Variants in COL22A1 observed in about 807,000 individuals in gnomAD.
COL22A1 encodes collagen type XXII alpha 1 chain.
Under a neutral mutation model 248.9 loss-of-function variants are expected in COL22A1, and 221 were observed. The observed-to-expected ratio is 0.89, with a 90% confidence interval of 0.80 to 0.99. COL22A1 has a LOEUF of 0.99. Ranked by LOEUF, COL22A1 falls within the 50% of genes least tolerant of loss-of-function variation. The pLI is 0.00. For missense variants in COL22A1, 2,240 were observed against 2,179.0 expected, an observed-to-expected ratio of 1.03 and a Z score of -0.56; for synonymous variants, 891 against 793.4, an observed-to-expected ratio of 1.12 and a Z score of -2.07.
chr8:138,611,442 G>A (rs894858354), intron 56 of COL22A1, among the ~76,000 whole-genome samples: 3 of 152,216 alleles, frequency 2.0e-5, no homozygotes, highest in South Asian at 2.1e-4. Flanking sequence ...CCCAGTGAGG[G>A]AGCTGGGGGG....
Position 138,755,458 on chromosome 8 carries a change from G to A in COL22A1, c.1977+24C>T, listed in dbSNP as rs772414340. 6.2e-6 allele frequency: 10 copies of A among 1,610,306 alleles called. No homozygotes were observed. In the South Asian group the frequency reaches 1.1e-4, roughly 18 times the overall value. On this transcript the variant is annotated intron_variant, in intron 20 of 64. Transcript: ENST00000303045. ...TCTGCTGTGACCTAAATCCCCATGA[G>A]AAGAAGACGCGTGTGCCTCTTACCT...
At chr8:138,792,060 A>G (rs1197384397) in intron 12 of COL22A1, among the ~76,000 whole-genome samples, 2 of 152,160 alleles carry the variant, frequency 1.3e-5, no homozygotes, top group Non-Finnish European at 2.9e-5. Flanking sequence ...CCAAATGTTC[A>G]GTCCCTAGTT....
At chr8:138,681,181 G>A (rs11777130) in intron 39 of COL22A1, among the ~76,000 whole-genome samples, 28,656 of 152,114 alleles carry the variant, frequency 0.19, 2,929 homozygotes, top group South Asian at 0.25. Flanking sequence ...GACCCCACAG[G>A]GTGATCTAAT....
intron 11 of COL22A1, among the ~76,000 whole-genome samples, chr8:138,800,373 G>A (rs1371157111): frequency 2.0e-5 from 3 of 152,336 alleles, no homozygotes; most frequent in Middle Eastern, 3.4e-3. Flanking sequence ...AACTCCAGAC[G>A]CAGGAGGTGA....
At chr8:138,684,324 A>C in intron 39 of COL22A1, 101 bp downstream of exon 39, 1 of 807,502 alleles carries the variant, frequency 1.2e-6, no homozygotes, top group Non-Finnish European at 2.2e-6. Flanking sequence ...AGAAACATGG[A>C]AGTGGACTGA....
At chr8:138,765,182 C>A (rs1351996833) in intron 16 of COL22A1, among the ~76,000 whole-genome samples, 2 of 152,142 alleles carry the variant, frequency 1.3e-5, no homozygotes, top group Admixed American at 6.5e-5. Context: ...GGTGTGCTGG[C>A]ACTGGCGCCA....
intron 23 of COL22A1, among the ~76,000 whole-genome samples, chr8:138,728,730 C>T (rs1425910796): frequency 6.6e-6 from 1 of 152,120 alleles, no homozygotes; most frequent in African/African-American, 2.4e-5. Flanking sequence ...TCAGGACCCA[C>T]TTTAGGTCAC....
intron 22 of COL22A1, among the ~76,000 whole-genome samples, chr8:138,738,709 C>A (rs1466650217): frequency 4.6e-5 from 7 of 152,150 alleles, no homozygotes; most frequent in East Asian, 1.9e-4. Flanking sequence ...AGACTTGAAG[C>A]CTGTACCAAT....
intron 25 of COL22A1, among the ~76,000 whole-genome samples, chr8:138,723,446 C>T (rs1207361588): frequency 6.6e-6 from 1 of 152,202 alleles, no homozygotes; most frequent in Non-Finnish European, 1.5e-5. Context: ...TGCTTCAAAC[C>T]TTCTGTGGCT....
At chr8:138,845,934 C>T (rs1157341100) in intron 3 of COL22A1, among the ~76,000 whole-genome samples, 1 of 152,174 alleles carries the variant, frequency 6.6e-6, no homozygotes, top group African/African-American at 2.4e-5. Context: ...GGCAGCTCCA[C>T]CACCCCATTA....
chr8:138,770,125 G>A (rs112356860), intron 16 of COL22A1, among the ~76,000 whole-genome samples: 10 of 152,274 alleles, frequency 6.6e-5, no homozygotes, highest in Admixed American at 2.0e-4. Flanking sequence ...TAGTTCCTCC[G>A]ATTCCAAGGC....
At chr8:138,694,081 G>A (rs1292633960) in intron 34 of COL22A1, among the ~76,000 whole-genome samples, 1 of 152,172 alleles carries the variant, frequency 6.6e-6, no homozygotes, top group Non-Finnish European at 1.5e-5. Context: ...CAAAATGACA[G>A]AATCAAAGCA....
intron 1 of COL22A1, among the ~76,000 whole-genome samples, chr8:138,902,735 TATATACACACAC>T (rs1399810359): frequency 2.2e-5 from 2 of 90,298 alleles, no homozygotes; most frequent in Non-Finnish European, 4.6e-5. Flanking sequence ...AATATATATA[TATATACACACAC>T]ACACACACAC....
intron 3 of COL22A1, among the ~76,000 whole-genome samples, chr8:138,871,366 T>C (rs1823333249): frequency 6.6e-6 from 1 of 152,188 alleles, no homozygotes; most frequent in South Asian, 2.1e-4. Flanking sequence ...AGAACAGTCC[T>C]GCTCCCACTC....
chr8:138,690,911 T>C (rs2130893129), intron 35 of COL22A1, 37 bp from the exon 36 acceptor site: 1 of 1,572,192 alleles, frequency 6.4e-7, no homozygotes, highest in South Asian at 1.2e-5. Context: ...GCCAAACGCA[T>C]TGATTAGAAG....
At chr8:138,857,718 A>ACT (rs1822149857) in intron 3 of COL22A1, among the ~76,000 whole-genome samples, 2 of 152,150 alleles carry the variant, frequency 1.3e-5, no homozygotes, top group Admixed American at 6.5e-5. Flanking sequence ...GATAACACGG[A>ACT]CTCAGCTTCA....
chr8:138,703,225 G>A, intron 31 of COL22A1, 81 bp downstream of exon 31: 4 of 1,251,604 alleles, frequency 3.2e-6, no homozygotes, highest in Non-Finnish European at 4.7e-6. Context: ...TTAAAACTAA[G>A]TAGTGGCAGT....
intron 5 of COL22A1, 85 bp from the exon 6 acceptor site, chr8:138,826,866 TCAAGCCCTGC>T: frequency 6.7e-7 from 1 of 1,499,446 alleles, no homozygotes; most frequent in Non-Finnish European, 9.1e-7. Flanking sequence ...CCAGCAGTGA[TCAAGCCCTGC>T]CAATTTGACT....
At chr8:138,845,208 T>G (rs1821156560) in intron 3 of COL22A1, among the ~76,000 whole-genome samples, 1 of 152,102 alleles carries the variant, frequency 6.6e-6, no homozygotes, top group East Asian at 1.9e-4. Context: ...TCTTCATGGA[T>G]CCTCACTTCT....
Sources: gnomAD v4.1 joint callset for allele counts (sites outside exome capture counted in the v4.1 genomes callset) on GRCh38, gnomAD v4.1.1 for gene constraint, MANE v1.5 for transcripts, NCBI Gene and HGNC (gene_info 2026-07-23, HGNC 2026-07-21) for gene names.